Variants in LRPPRC observed in about 807,000 individuals in gnomAD.
LRPPRC encodes the protein leucine rich pentatricopeptide repeat containing.
In LRPPRC, 120 loss-of-function variants were observed where a neutral mutation model predicts 180.3. The observed-to-expected ratio is 0.67, with a 90% CI of 0.57 to 0.77. The LOEUF is 0.77. LRPPRC is among the 30% of genes least tolerant of loss of function. The pLI, the probability that LRPPRC is intolerant of heterozygous loss-of-function variation, is 0.00. For missense variants in LRPPRC, 2,012 were observed against 1,657.2 expected (o/e 1.21, Z -3.72); for synonymous variants, 723 against 600.0 (o/e 1.21, Z -3.00).
intron 34 of LRPPRC, among the ~76,000 whole-genome samples, chr2:43,897,997 C>T (rs1372741381): frequency 1.4e-5 from 2 of 143,590 alleles, no homozygotes; most frequent in African/African-American, 2.6e-5. Flanking sequence ...TTTTTTTTCA[C>T]CACGTAAGAT....
chr2:43,961,236 A>C (rs1369060553), intron 12 of LRPPRC, among the ~76,000 whole-genome samples: 1 of 152,232 alleles, frequency 6.6e-6, no homozygotes, highest in Non-Finnish European at 1.5e-5. Context: ...AAATGAAAAA[A>C]AGTTCATCAT....
chr2:43,971,718 C>A (rs1283908170), intron 11 of LRPPRC, among the ~76,000 whole-genome samples: 1 of 151,792 alleles, frequency 6.6e-6, no homozygotes, highest in East Asian at 1.9e-4. Flanking sequence ...TTTCACTGGA[C>A]AAAGAACAAG....
chr2:43,900,119 A>G (rs1670832888), intron 32 of LRPPRC, among the ~76,000 whole-genome samples: 1 of 152,150 alleles, frequency 6.6e-6, no homozygotes, highest in African/African-American at 2.4e-5. Context: ...TCTCTAACTT[A>G]TGGTCGCCTC....
chr2:43,970,915 A>G (rs937326550), intron 11 of LRPPRC, among the ~76,000 whole-genome samples: 1 of 152,286 alleles, frequency 6.6e-6, no homozygotes, highest in African/African-American at 2.4e-5. Flanking sequence ...CCTGGCCAAC[A>G]TGGTGAAACC....
chr2:43,989,533 T>G (rs553261318), intron 1 of LRPPRC, among the ~76,000 whole-genome samples: 46 of 152,362 alleles, frequency 3.0e-4, no homozygotes, highest in African/African-American at 1.1e-3. Context: ...TTCTGAGATC[T>G]TCTATGTTTA....
At chr2:43,995,736 C>T in intron 1 of LRPPRC, 63 bp downstream of exon 1, 1 of 1,330,038 alleles carries the variant, frequency 7.5e-7, no homozygotes, top group Non-Finnish European at 9.6e-7. Context: ...TCCCTGCCGG[C>T]ACCCACGACC....
chr2:43,989,635 A>T (rs1393768514), intron 1 of LRPPRC, among the ~76,000 whole-genome samples: 10 of 152,202 alleles, frequency 6.6e-5, no homozygotes, highest in Admixed American at 6.5e-4. Context: ...TCACCATCTA[A>T]AACACAACAG....
At position 43,982,420 on chromosome 2, in the gene LRPPRC, G is replaced by A. The variant is rs1674354254; in HGVS notation, c.164C>T (p.Pro55Leu). 3.1e-6 allele frequency: 5 copies of A among 1,612,756 alleles called. No homozygotes were observed. Among genetic ancestry groups the A allele is most frequent in the Non-Finnish European group, 3.4e-6 (4 of 1,178,864 alleles). Residue 55 changes from proline to leucine, a missense_variant, in exon 2 of 38, where the codon CCA becomes CTA. By Grantham distance (98) the Pro-to-Leu change is moderately conservative (BLOSUM62 -3). Coordinates refer to ENST00000260665, the MANE Select transcript of LRPPRC (RefSeq NM_133259.4). ...GGCAGCAATGGCATACAGCCTGGCT[G>A]GGCTCAGTAGTCCTCTAAAAAATGA... ...AGPVAGGLLS[P>L]ARLYAIAAKE...
intron 30 of LRPPRC, among the ~76,000 whole-genome samples, chr2:43,908,260 T>G (rs78262176): frequency 0.013 from 1,938 of 152,352 alleles, 50 homozygotes; most frequent in African/African-American, 0.044. Context: ...TATCCCTTAC[T>G]GCTCTTTGAA....
rs117821662 is a variant in LRPPRC, at chr2:43,979,729, A to G, written c.469+97T>C. 1,442 of 1,087,326 alleles carry G rather than the reference A, an allele frequency of 1.3e-3. 33 individuals are homozygous for G. The East Asian group carries it at 0.032, about 24-fold the overall frequency. The allele number at this position is 1,087,326 out of a possible 1,614,324, so 67.4% of individuals were successfully genotyped here. A position where few individuals can be genotyped will look rare whatever the true frequency, so the allele number is the denominator to read the frequency against. On this transcript the variant is annotated intron_variant, in intron 3 of 37. Transcript: ENST00000260665. ...ATTATGAATCAAGTAGCCCTTCCAT[A>G]AAACTGAATTACAGCATTTATGTAA...
chr2:43,974,006 C>G, intron 9 of LRPPRC, 106 bp from the exon 10 acceptor site: 1 of 1,114,260 alleles, frequency 9.0e-7, no homozygotes, highest in Admixed American at 1.7e-5. Context: ...AACCCCGCAT[C>G]CTCTTTCTAC....
chr2:43,959,271 C>A, intron 13 of LRPPRC: 1 of 706,702 alleles, frequency 1.4e-6, no homozygotes, highest in Non-Finnish European at 2.6e-6. Context: ...AGATAGCAGC[C>A]AGCAATAATA....
At chr2:43,900,629 T>C (rs1389700303) in intron 32 of LRPPRC, among the ~76,000 whole-genome samples, 1 of 152,026 alleles carries the variant, frequency 6.6e-6, no homozygotes, top group East Asian at 1.9e-4. Context: ...CAACTGTTTC[T>C]CAAACAAACA....
At chr2:43,918,737 C>A (rs1490291453) in intron 27 of LRPPRC, among the ~76,000 whole-genome samples, 1 of 148,900 alleles carries the variant, frequency 6.7e-6, no homozygotes, top group Non-Finnish European at 1.5e-5. Flanking sequence ...AAACAGGTGA[C>A]AATTCAACTA....
At chr2:43,924,003 T>G (rs1671789126) in intron 27 of LRPPRC, among the ~76,000 whole-genome samples, 1 of 152,188 alleles carries the variant, frequency 6.6e-6, no homozygotes, top group Non-Finnish European at 1.5e-5. Context: ...AGCCAAAGTC[T>G]TAAGAATTAC....
intron 23 of LRPPRC, among the ~76,000 whole-genome samples, chr2:43,937,600 A>T (rs1285054212): frequency 6.6e-6 from 1 of 152,190 alleles, no homozygotes; most frequent in Non-Finnish European, 1.5e-5. Flanking sequence ...ATCCCAACTG[A>T]TAAGAGTACT....
chr2:43,894,288 C>G (rs1670602148), intron 36 of LRPPRC, among the ~76,000 whole-genome samples: 1 of 152,114 alleles, frequency 6.6e-6, no homozygotes, highest in African/African-American at 2.4e-5. Flanking sequence ...CTCAATATAC[C>G]CGGACTGCTC....
chr2:43,895,639 T>G (rs903591439), intron 35 of LRPPRC, among the ~76,000 whole-genome samples: 1 of 152,188 alleles, frequency 6.6e-6, no homozygotes, highest in Non-Finnish European at 1.5e-5. Context: ...GAGTCACAGA[T>G]GCAATGAAGC....
chr2:43,888,708 G>A (rs374645525), intron 37 of LRPPRC, 52 bp from the exon 38 acceptor site: 26 of 967,764 alleles, frequency 2.7e-5, no homozygotes, highest in Non-Finnish European at 3.9e-5. Context: ...AGAGGTGATG[G>A]TACATAACTT....
Sources: gnomAD v4.1 joint callset for allele counts (sites outside exome capture counted in the v4.1 genomes callset) on GRCh38, gnomAD v4.1.1 for gene constraint, MANE v1.5 for transcripts, NCBI Gene and HGNC (gene_info 2026-07-23, HGNC 2026-07-21) for gene names.